Variants in NBPF6 observed in about 807,000 individuals in gnomAD.
NBPF6 encodes the protein NBPF member 6.
In NBPF6, 2 loss-of-function variants were observed where a neutral mutation model predicts 20.8. The observed-to-expected ratio is 0.10, with a 90% confidence interval of 0.04 to 0.30. The LOEUF (loss-of-function observed/expected upper bound fraction) is 0.30, where lower values mean the gene tolerates loss of function less well. Ranked by LOEUF, NBPF6 falls within the 10% of genes least tolerant of loss-of-function variation. The pLI, the probability that NBPF6 is intolerant of heterozygous loss-of-function variation, is 1.00. For synonymous variants in NBPF6, 24 were observed against 100.0 expected, an observed-to-expected ratio of 0.24 and a Z score of 4.53; for missense variants, 85 against 260.3, an observed-to-expected ratio of 0.33 and a Z score of 4.63.
At position 108,470,612 on chromosome 1, in the gene NBPF6, G is replaced by A; in HGVS notation, c.1891G>A (p.Glu631Lys). The change falls in exon 15 of 15, where the codon GAA becomes AAA. Residue 631 changes from glutamate (E) to lysine (K), a missense_variant. Glu to Lys is a moderately conservative substitution (Grantham distance 56). This residue lies in a region of NBPF6 where 31 missense variants were observed against 21.0 expected (regional missense o/e 1.48). Transcript: ENST00000495380. ...TCCCCTACAGATACCAAATACTGCT[G>A]AAAGGATGCAAAGGATGATAGGATG... ...AESAEIPNTA[E>K]RMQRMIG 3.2e-6 allele frequency: 5 copies of A among 1,554,658 alleles called. No homozygotes were observed. The highest frequency in any genetic ancestry group is 1.4e-5 in the African/African-American group (1 of 73,112).
At position 108,471,527 on chromosome 1, in the gene NBPF6, G is replaced by C. The variant is rs1653473949; in HGVS notation, c.*889G>C. Among the ~76,000 whole-genome samples, 1 of 152,132 alleles carries C rather than the reference G, an allele frequency of 6.6e-6. No individual in the cohort carries two copies. Among genetic ancestry groups the C allele is most frequent in the Non-Finnish European group, 1.5e-5 (1 of 68,032 alleles). On this transcript the variant is annotated 3_prime_UTR_variant, in exon 15 of 15. Coordinates refer to ENST00000495380, the MANE Select transcript of NBPF6 (RefSeq NM_001143988.2). ...TTATTTATAATTAAATTGGAAAGTGGTTTGAAATAGTATAAATATCCTGTA... is the reference window on the plus strand; with the variant it reads ...TTATTTATAATTAAATTGGAAAGTGCTTTGAAATAGTATAAATATCCTGTA...
At chr1:108,447,778 G>GC (rs1433571040), upstream of NBPF6, among the ~76,000 whole-genome samples, 172 of 141,316 alleles carry the variant, frequency 1.2e-3, 9 homozygotes, top group African/African-American at 4.4e-3. Context: ...GAGGGTAAGT[G>GC]CAGGATCACG....
chr1:108,468,015 T>G (rs1439468904), intron 14 of NBPF6, among the ~76,000 whole-genome samples: 2 of 151,236 alleles, frequency 1.3e-5, no homozygotes, highest in African/African-American at 4.9e-5. Context: ...GAAATTTACC[T>G]TTCCTTGCTG....
At chr1:108,468,031 C>G (rs1176394614) in intron 14 of NBPF6, among the ~76,000 whole-genome samples, 1 of 151,208 alleles carries the variant, frequency 6.6e-6, no homozygotes, top group Non-Finnish European at 1.5e-5. Flanking sequence ...TGCTGCATCC[C>G]CAACTCCATT....
rs1171902811 is a variant in NBPF6, at chr1:108,470,584, C to T, written c.1876-13C>T. On this transcript the variant is annotated splice_polypyrimidine_tract_variant and intron_variant, in intron 14 of 14. Coordinates refer to ENST00000495380, the MANE Select transcript of NBPF6 (RefSeq NM_001143988.2). ...AATGCTCATTTGATTTTTTTTCTCT[C>T]TCTCCCCTACAGATACCAAATACTG... 1 of 1,546,780 alleles carries T rather than the reference C, an allele frequency of 6.5e-7. No individual in the cohort carries two copies. The highest frequency in any genetic ancestry group is 2.4e-5 in the East Asian group (1 of 40,878).
chr1:108,449,460 ATC>A (rs1325413687), upstream of NBPF6, among the ~76,000 whole-genome samples: 3 of 10,532 alleles, frequency 2.8e-4, no homozygotes, highest in Admixed American at 2.5e-3. Context: ...ATATATATAT[ATC>A]TCCAACAATA....
rs1159851225 is a variant in NBPF6 at position 108,465,181 on chromosome 1, C to A, written c.1424-7C>A. The A allele has an allele frequency of 1.5e-5, 14 of 905,902 alleles. 4 individuals are homozygous for A. The Admixed American group carries it at 3.6e-4, about 23-fold the overall frequency. 56.1% of individuals were successfully genotyped at this position (905,902 alleles called of 1,614,324 possible). On this transcript the variant is annotated splice_region_variant and splice_polypyrimidine_tract_variant and intron_variant, in intron 12 of 14. Transcript: ENST00000495380. ...ATTGTTCCTACTGAAGCCCCTTCTC[C>A]TTTCAGCCCCCACCGAGGCGGCCTG...
At chr1:108,459,416 TG>T (rs1416002612) in intron 9 of NBPF6, among the ~76,000 whole-genome samples, 1 of 148,702 alleles carries the variant, frequency 6.7e-6, no homozygotes, top group African/African-American at 2.5e-5. Context: ...TGCTTTCTGC[TG>T]GTTTTGCATT....
At position 108,470,917 on chromosome 1, in the gene NBPF6, A is replaced by G; in HGVS notation, c.*279A>G. The G allele has an allele frequency of 3.3e-6, 1 of 304,016 alleles. No homozygotes were observed. Among genetic ancestry groups the G allele is most frequent in the Non-Finnish European group, 6.2e-6 (1 of 161,756 alleles). The allele number at this position is 304,016 out of a possible 1,614,324, so 18.8% of individuals were successfully genotyped here. A position where few individuals can be genotyped will look rare whatever the true frequency, so the allele number is the denominator to read the frequency against. On this transcript the variant is annotated 3_prime_UTR_variant, in exon 15 of 15. Transcript: ENST00000495380. ...TTTCTCAATTCCCATCATGTAGAGA[A>G]CAGGAGTCCGCAGCTGCTGGCAGGA...
At position 108,471,307 on chromosome 1, in the gene NBPF6, A is replaced by G. The variant is rs1045076674; in HGVS notation, c.*669A>G. Among the ~76,000 whole-genome samples, 1 of 152,186 alleles carries G rather than the reference A, an allele frequency of 6.6e-6. No homozygotes were observed. Among genetic ancestry groups the G allele is most frequent in the African/African-American group, 2.4e-5 (1 of 41,444 alleles). On this transcript the variant is annotated 3_prime_UTR_variant, in exon 15 of 15. Transcript: ENST00000495380. ...GCTCAATGGTCTACATTCTGAAGTT[A>G]TCTGAAAATGTCGTCATGATTAAAT...
In NBPF6 at chr1:108,467,837, T is replaced by C. The variant is rs182535720; in HGVS notation, c.1875+172T>C. Reference sequence around the variant, plus strand: ...GGCTCCCACCCTGACTGGCCCCTTCTCTACCCATCTTCTCTTTACTCTCTG... The same window carrying C: ...GGCTCCCACCCTGACTGGCCCCTTCCCTACCCATCTTCTCTTTACTCTCTG... On this transcript the variant is annotated intron_variant, in intron 14 of 14. Coordinates refer to ENST00000495380, the MANE Select transcript of NBPF6 (RefSeq NM_001143988.2). Among the ~76,000 whole-genome samples, 22 of 151,078 alleles carry C rather than the reference T, an allele frequency of 1.5e-4. 1 individual carries two copies. Among genetic ancestry groups the C allele is most frequent in the African/African-American group, 3.9e-4 (16 of 40,826 alleles).
At chr1:108,430,423 A>G in the NBPF6 span, among the ~76,000 whole-genome samples, 3 of 4,918 alleles carry the variant, frequency 6.1e-4, no homozygotes, top group African/African-American at 8.7e-4. Flanking sequence ...TTGTTTCATA[A>G]TGTCACTGAT....
At chr1:108,470,568 T>C (rs1320352391) in intron 14 of NBPF6, 29 bp from the exon 15 acceptor site, 6 of 1,541,238 alleles carry the variant, frequency 3.9e-6, no homozygotes, top group Non-Finnish European at 4.4e-6. Context: ...AAATGCTCAT[T>C]TGATTTTTTT....
At chr1:108,470,486 C>T in intron 14 of NBPF6, 111 bp from the exon 15 acceptor site, 3 of 982,822 alleles carry the variant, frequency 3.1e-6, no homozygotes, top group South Asian at 3.3e-5. Context: ...CTCATCCTCC[C>T]AGCAGGAGAT....
At chr1:108,437,767 G>GAA in the NBPF6 span, among the ~76,000 whole-genome samples, 257 of 31,710 alleles carry the variant, frequency 8.1e-3, 5 homozygotes, top group African/African-American at 0.023. Flanking sequence ...AGGAAGGAAG[G>GAA]GAGGGAGGGA....
At position 108,471,500 on chromosome 1, in the gene NBPF6, C is replaced by T. The variant is rs1445548256; in HGVS notation, c.*862C>T. 6.6e-6 allele frequency among the ~76,000 whole-genome samples: 1 copy of T among 152,064 alleles called. No homozygotes were observed. Among genetic ancestry groups the T allele is most frequent in the African/African-American group, 2.4e-5 (1 of 41,426 alleles). ...AGGAGCTCTGTCCCTTGTAAAGACA[C>T]CTTATTTATAATTAAATTGGAAAGT... On this transcript the variant is annotated 3_prime_UTR_variant, in exon 15 of 15. Coordinates refer to ENST00000495380, the MANE Select transcript of NBPF6 (RefSeq NM_001143988.2).
At position 108,470,667 on chromosome 1, in the gene NBPF6, C is replaced by T; in HGVS notation, c.*29C>T. 6.5e-7 allele frequency: 1 copy of T among 1,548,258 alleles called. No homozygotes were observed. The highest frequency in any genetic ancestry group is 8.7e-7 in the Non-Finnish European group (1 of 1,145,300). ...AATGTCACAAAAAGCAGCTTTTCCACTTGATAAAAACAACTAAAACAGCAA... is the reference window on the plus strand; with the variant it reads ...AATGTCACAAAAAGCAGCTTTTCCATTTGATAAAAACAACTAAAACAGCAA... On this transcript the variant is annotated 3_prime_UTR_variant, in exon 15 of 15. Coordinates refer to ENST00000495380, the MANE Select transcript of NBPF6 (RefSeq NM_001143988.2).
At chr1:108,436,808 A>G in the NBPF6 span, among the ~76,000 whole-genome samples, 1 of 75,764 alleles carries the variant, frequency 1.3e-5, no homozygotes, top group Non-Finnish European at 3.2e-5. Flanking sequence ...TATAAAAATA[A>G]GTAAAAAATC....
At chr1:108,449,442 A>G (rs1483181333), upstream of NBPF6, among the ~76,000 whole-genome samples, 2 of 12,820 alleles carry the variant, frequency 1.6e-4, 1 homozygote, top group Non-Finnish European at 9.1e-4. Context: ...ATATATATAT[A>G]TATATATATA....
Sources: allele counts gnomAD v4.1 joint callset (sites outside exome capture counted in the v4.1 genomes callset), GRCh38; gene constraint gnomAD v4.1.1; regional missense constraint gnomAD v4.1.1; transcripts MANE v1.5; gene names NCBI Gene and HGNC (gene_info 2026-07-23, HGNC 2026-07-21).